The following CPA3 variants were observed in gnomAD, a reference collection of about 807,000 sequenced individuals.
CPA3 encodes carboxypeptidase A3.
In CPA3, 52 loss-of-function variants were observed where a neutral mutation model predicts 55.8. That is an observed-to-expected ratio of 0.93 (90% CI 0.75 to 1.17). The LOEUF is 1.17. CPA3 is among the 50% of genes most tolerant of loss of function. The pLI, the probability that CPA3 is intolerant of heterozygous loss-of-function variation, is 0.00. For synonymous variants in CPA3, 179 were observed against 171.2 expected (o/e 1.05, Z -0.36); for missense variants, 547 against 509.1 (o/e 1.07, Z -0.72).
At position 148,878,545 on chromosome 3, in the gene CPA3, T is replaced by C. The variant is rs747626973; in HGVS notation, c.372+2T>C. On this transcript the variant is annotated splice_donor_variant, in intron 4 of 10. Coordinates refer to ENST00000296046, the MANE Select transcript of CPA3 (RefSeq NM_001870.4). LOFTEE classifies it high-confidence loss of function. ...GCAAAATACAATAATTGGGAAAAGG[T>C]ACAGTAAAAAATGCCTGTACTTTTT... The C allele has an allele frequency of 5.0e-6, 8 of 1,605,784 alleles. No individual in the cohort carries two copies. The highest frequency in any genetic ancestry group is 6.8e-6 in the Non-Finnish European group (8 of 1,174,252).
chr3:148,889,823 T>G (rs1342156770), intron 10 of CPA3, among the ~76,000 whole-genome samples: 1 of 131,888 alleles, frequency 7.6e-6, no homozygotes, highest in Non-Finnish European at 1.5e-5. Flanking sequence ...TGAGCCAAGA[T>G]CACGCCACTG....
Position 148,883,780 on chromosome 3 carries a change from T to A in CPA3, c.946T>A (p.Tyr316Asn), listed in dbSNP as rs777560531. 1.4e-4 allele frequency: 220 copies of A among 1,613,972 alleles called. No homozygotes were observed. The South Asian group carries it at 2.4e-3, about 17-fold the overall frequency. Reference sequence around the variant, plus strand: ...CCAGATGCTATTGTTTCCCTATGGATATACATCAAAACTGCCACCTAACCA... The same window carrying A: ...CCAGATGCTATTGTTTCCCTATGGAAATACATCAAAACTGCCACCTAACCA... ...YSQMLLFPYGYTSKLPPNHED... is the reference protein window; with the variant it reads ...YSQMLLFPYGNTSKLPPNHED... The change falls in exon 9 of 11, where the codon TAT (tyrosine) becomes AAT (asparagine). Residue 316 changes from tyrosine (Y) to asparagine (N), a missense_variant. Tyr to Asn is a moderately radical substitution (Grantham distance 143). Coordinates refer to ENST00000296046, the MANE Select transcript of CPA3 (RefSeq NM_001870.4).
At chr3:148,866,769 T>C (rs1300924800) in intron 2 of CPA3, among the ~76,000 whole-genome samples, 1 of 152,144 alleles carries the variant, frequency 6.6e-6, no homozygotes, top group Non-Finnish European at 1.5e-5. Context: ...TTGTTTGTTA[T>C]TGTTTTTGTT....
intron 10 of CPA3, among the ~76,000 whole-genome samples, chr3:148,888,011 T>C (rs1455117982): frequency 1.3e-5 from 2 of 152,194 alleles, no homozygotes; most frequent in East Asian, 3.8e-4. Context: ...CATTTAACTT[T>C]TAAAAATTTC....
At position 148,881,501 on chromosome 3, in the gene CPA3, ATT is replaced by A; in HGVS notation, c.577-14_577-13del. On this transcript the variant is annotated intron_variant, in intron 6 of 10. Transcript: ENST00000296046. ...AGCTAAACTTCATACCAATAGCTTAATTTTTTTTCACCTCCGACAGGCAACCA... is the reference window on the plus strand; with the variant it reads ...AGCTAAACTTCATACCAATAGCTTAATTTTTTCACCTCCGACAGGCAACCA... The A allele has an allele frequency of 6.7e-7, 1 of 1,503,048 alleles. No homozygotes were observed. The highest frequency in any genetic ancestry group is 9.2e-7 in the Non-Finnish European group (1 of 1,081,668). The allele number at this position is 1,503,048 out of a possible 1,614,324, so 93.1% of individuals were successfully genotyped here.
intron 3 of CPA3, among the ~76,000 whole-genome samples, chr3:148,872,159 T>C (rs141084648): frequency 1.2e-3 from 181 of 152,344 alleles, no homozygotes; most frequent in African/African-American, 3.9e-3. Flanking sequence ...TTTCTTTTTT[T>C]ACTTATTTAC....
intron 3 of CPA3, among the ~76,000 whole-genome samples, chr3:148,869,424 T>C (rs563933133): frequency 6.6e-6 from 1 of 152,152 alleles, no homozygotes; most frequent in African/African-American, 2.4e-5. Context: ...GGCCTCCTTT[T>C]ATATATTTGA....
In CPA3 at chr3:148,882,499, T is replaced by C. The variant is rs774186299; in HGVS notation, c.688-6T>C. ...GTGTAAACACTTACGTCATTCAATCTGGCAGAACCGCATGTGGAGAAAAAA... is the reference window on the plus strand; with the variant it reads ...GTGTAAACACTTACGTCATTCAATCCGGCAGAACCGCATGTGGAGAAAAAA... On this transcript the variant is annotated splice_region_variant and splice_polypyrimidine_tract_variant and intron_variant, in intron 7 of 10. Coordinates refer to ENST00000296046, the MANE Select transcript of CPA3 (RefSeq NM_001870.4). The C allele has an allele frequency of 5.6e-6, 9 of 1,612,492 alleles. No individual in the cohort carries two copies. In the East Asian group the frequency reaches 1.8e-4, roughly 32 times the overall value.
At chr3:148,870,186 C>G (rs774305699) in intron 3 of CPA3, 2 of 151,862 alleles carry the variant, frequency 1.3e-5, no homozygotes, top group Non-Finnish European at 2.9e-5. Flanking sequence ...TTAACTTCCC[C>G]AGGCCATGTT....
chr3:148,886,072 C>A (rs41267865), intron 9 of CPA3, 21 bp from the exon 10 acceptor site: 132,478 of 1,562,996 alleles, frequency 0.085, 6,604 homozygotes, highest in Non-Finnish European at 0.1. Context: ...TTATTTCACT[C>A]TAACTTTCCT....
chr3:148,869,795 T>G (rs1714010236), intron 3 of CPA3, among the ~76,000 whole-genome samples: 1 of 152,042 alleles, frequency 6.6e-6, no homozygotes, highest in African/African-American at 2.4e-5. Flanking sequence ...ATGTGTAATT[T>G]AGAAAATAAA....
intron 7 of CPA3, 117 bp downstream of exon 7, chr3:148,881,749 AT>A (rs150167356): frequency 0.021 from 10,080 of 473,826 alleles, 170 homozygotes; most frequent in Non-Finnish European, 0.029. Context: ...AGAAAAGTAT[AT>A]TTTTTAAAAT....
At chr3:148,878,406 TA>T in intron 3 of CPA3, 34 bp from the exon 4 acceptor site, 1 of 1,402,730 alleles carries the variant, frequency 7.1e-7, no homozygotes, top group Non-Finnish European at 1.0e-6. Context: ...TTTCTCATGA[TA>T]AAACATGTAT....
intron 3 of CPA3, among the ~76,000 whole-genome samples, chr3:148,871,282 A>G (rs1714059765): frequency 6.6e-6 from 1 of 152,164 alleles, no homozygotes; most frequent in South Asian, 2.1e-4. Flanking sequence ...CCTATGATAA[A>G]CTAATTCTTA....
intron 3 of CPA3, among the ~76,000 whole-genome samples, chr3:148,873,363 ACG>A (rs1324849247): frequency 7.7e-6 from 1 of 129,880 alleles, no homozygotes; most frequent in Non-Finnish European, 1.8e-5. Flanking sequence ...CAGTGCATGC[ACG>A]CGCGCACACG....
At position 148,886,134 on chromosome 3, in the gene CPA3, A is replaced by C. The variant is rs146641016; in HGVS notation, c.1023A>C (p.Arg341=). 4 of 1,613,742 alleles carry C rather than the reference A, an allele frequency of 2.5e-6. No homozygotes were observed. The East Asian group carries it at 8.9e-5, about 36-fold the overall frequency. ...AKIGTDVLST[R]YETRYIYGPI... is the part of the protein sequence containing the mutation. Reference sequence around the variant, plus strand: ...TTGGCACTGATGTTCTATCAACTCGATATGAAACCCGCTACATCTATGGCC... The same window carrying C: ...TTGGCACTGATGTTCTATCAACTCGCTATGAAACCCGCTACATCTATGGCC... The change falls in exon 10 of 11, where the codon CGA becomes CGC. Residue 341 remains arginine (R), a synonymous_variant. Coordinates refer to ENST00000296046, the MANE Select transcript of CPA3 (RefSeq NM_001870.4).
intron 3 of CPA3, among the ~76,000 whole-genome samples, chr3:148,872,872 T>C (rs1714102769): frequency 6.6e-6 from 1 of 152,178 alleles, no homozygotes; most frequent in African/African-American, 2.4e-5. Flanking sequence ...AGCCATGCAT[T>C]AGATACTCAA....
intron 2 of CPA3, 129 bp from the exon 3 acceptor site, chr3:148,868,786 G>A: frequency 1.1e-6 from 1 of 931,354 alleles, no homozygotes; most frequent in East Asian, 2.8e-5. Flanking sequence ...CTTATTAAAA[G>A]AAGGGTCTGT....
chr3:148,882,409 A>T lies in CPA3; in HGVS notation c.688-96A>T, dbSNP rs1001483539. The T allele has an allele frequency of 1.3e-5, 11 of 854,064 alleles. No homozygotes were observed. The Admixed American group carries it at 2.6e-4, about 20-fold the overall frequency. 52.9% of individuals were successfully genotyped at this position (854,064 alleles called of 1,614,324 possible). On this transcript the variant is annotated intron_variant, in intron 7 of 10. Coordinates refer to ENST00000296046, the MANE Select transcript of CPA3 (RefSeq NM_001870.4). ...CTCAAGTTAACTAGATAGATTTCAA[A>T]TAAAGTTGCAGACACCTGCAGAGAG...
Sources: gnomAD v4.1 joint callset for allele counts (sites outside exome capture counted in the v4.1 genomes callset) on GRCh38, gnomAD v4.1.1 for gene constraint, MANE v1.5 for transcripts, NCBI Gene and HGNC (gene_info 2026-07-23, HGNC 2026-07-21) for gene names.